The following STT3B variants were observed in gnomAD, a reference collection of about 807,000 sequenced individuals.
The protein encoded by STT3B is dolichyl-diphosphooligosaccharide--protein glycosyltransferase subunit STT3B.
A neutral mutation model predicts 96.8 loss-of-function variants in STT3B; 29 were observed. The ratio of observed to expected loss-of-function variants is 0.30; its 90% CI spans 0.22 to 0.41. STT3B has a LOEUF of 0.41. STT3B is among the 10% of genes least tolerant of loss of function. The probability of loss-of-function intolerance (pLI) is 1.00; values close to 1 mark genes in which losing one functional copy is unlikely to be tolerated. For missense variants in STT3B, 640 were observed against 1,022.3 expected, an observed-to-expected ratio of 0.63 and a Z score of 5.10; for synonymous variants, 367 against 360.0, an observed-to-expected ratio of 1.02 and a Z score of -0.22.
At chr3:31,581,668 G>GTGTC (rs1318473455) in intron 3 of STT3B, among the ~76,000 whole-genome samples, 3 of 152,168 alleles carry the variant, frequency 2.0e-5, no homozygotes, top group Admixed American at 6.5e-5. Context: ...TTTACTTGCA[G>GTGTC]TGTCTGTCTG....
At position 31,617,934 on chromosome 3, in the gene STT3B, T is replaced by C; in HGVS notation, c.1124-6T>C. On this transcript the variant is annotated splice_polypyrimidine_tract_variant and splice_region_variant and intron_variant, in intron 7 of 15. Transcript: ENST00000295770. ...GATTAATTTCATCCATGTTTTTCCT[T>C]CCAAGGTTACATTGCACCATGGAGT... 1 of 1,599,214 alleles carries C rather than the reference T, an allele frequency of 6.3e-7. No homozygotes were observed. Among genetic ancestry groups the C allele is most frequent in the Non-Finnish European group, 8.6e-7 (1 of 1,167,138 alleles).
chr3:31,566,722 C>T (rs1009494772), intron 1 of STT3B, among the ~76,000 whole-genome samples: 1 of 152,172 alleles, frequency 6.6e-6, no homozygotes, highest in African/African-American at 2.4e-5. Context: ...CCCCTTCCTC[C>T]TTCCCTTCTT....
intron 1 of STT3B, among the ~76,000 whole-genome samples, chr3:31,558,533 A>G (rs1697778258): frequency 6.6e-6 from 1 of 152,210 alleles, no homozygotes; most frequent in Non-Finnish European, 1.5e-5. Flanking sequence ...CTTCCCTGGT[A>G]TAAACCCATT....
At chr3:31,625,691 C>G (rs1430751203) in intron 12 of STT3B, among the ~76,000 whole-genome samples, 1 of 152,168 alleles carries the variant, frequency 6.6e-6, no homozygotes. Context: ...CTGCTTTCAT[C>G]ATAAAATGTT....
intron 15 of STT3B, among the ~76,000 whole-genome samples, chr3:31,635,703 C>G (rs1328342412): frequency 6.6e-6 from 1 of 152,178 alleles, no homozygotes; most frequent in Non-Finnish European, 1.5e-5. Context: ...TTAATAATTA[C>G]AGCTCAGCAC....
intron 3 of STT3B, among the ~76,000 whole-genome samples, chr3:31,593,756 GTTTC>G (rs1450225655): frequency 6.6e-6 from 1 of 151,112 alleles, no homozygotes; most frequent in African/African-American, 2.4e-5. Flanking sequence ...ATGTATCTCT[GTTTC>G]TTTATGGAAA....
intron 2 of STT3B, among the ~76,000 whole-genome samples, chr3:31,577,837 C>G (rs1216316981): frequency 2.0e-5 from 3 of 152,214 alleles, no homozygotes; most frequent in Non-Finnish European, 4.4e-5. Context: ...CTAATCTTAT[C>G]ATATACCTAA....
intron 14 of STT3B, among the ~76,000 whole-genome samples, chr3:31,631,947 C>G (rs1179324603): frequency 3.9e-5 from 6 of 152,190 alleles, no homozygotes; most frequent in East Asian, 3.9e-4. Flanking sequence ...TGTTGACCTC[C>G]TGGGCTCAGT....
intron 1 of STT3B, among the ~76,000 whole-genome samples, chr3:31,552,825 C>T (rs576867422): frequency 3.3e-4 from 50 of 152,212 alleles, no homozygotes; most frequent in Non-Finnish European, 2.4e-4. Flanking sequence ...CAAATAAGGC[C>T]GGGCACGGTG....
intron 12 of STT3B, 62 bp from the exon 13 acceptor site, chr3:31,625,892 C>A: frequency 7.1e-7 from 1 of 1,404,284 alleles, no homozygotes; most frequent in Non-Finnish European, 9.6e-7. Flanking sequence ...AAAAAATATA[C>A]ATTGATTTTT....
intron 1 of STT3B, among the ~76,000 whole-genome samples, chr3:31,568,473 C>T (rs1479611651): frequency 6.6e-6 from 1 of 152,140 alleles, no homozygotes; most frequent in African/African-American, 2.4e-5. Flanking sequence ...TACATTTCCA[C>T]CAACAGTATA....
At chr3:31,611,286 G>A (rs887916619) in intron 5 of STT3B, among the ~76,000 whole-genome samples, 1 of 152,044 alleles carries the variant, frequency 6.6e-6, no homozygotes, top group Non-Finnish European at 1.5e-5. Context: ...TAATATTATG[G>A]TTATTTGTTT....
At chr3:31,582,934 T>C (rs1698443573) in intron 3 of STT3B, among the ~76,000 whole-genome samples, 1 of 152,244 alleles carries the variant, frequency 6.6e-6, no homozygotes, top group Non-Finnish European at 1.5e-5. Context: ...TTGAAATTAA[T>C]ATTTGGCTTT....
chr3:31,618,540 A>G (rs1699360839), intron 8 of STT3B, among the ~76,000 whole-genome samples: 1 of 151,822 alleles, frequency 6.6e-6, no homozygotes, highest in African/African-American at 2.4e-5. Flanking sequence ...TTTTTCTCTA[A>G]AATGTTTTCC....
intron 2 of STT3B, among the ~76,000 whole-genome samples, chr3:31,579,197 AT>A (rs1237409504): frequency 1.3e-5 from 2 of 151,986 alleles, no homozygotes; most frequent in Admixed American, 6.6e-5. Context: ...GGTATAAAAA[AT>A]TTAATTTTTC....
chr3:31,604,877 A>G lies in STT3B; in HGVS notation c.877+4418A>G, dbSNP rs368121188. Reference sequence around the variant, plus strand: ...TCCAGAGCCAATCTACCAGGGTTCAATTCTTGCTCCCTTACTACTGTGTAA... The same window carrying G: ...TCCAGAGCCAATCTACCAGGGTTCAGTTCTTGCTCCCTTACTACTGTGTAA... On this transcript the variant is annotated intron_variant, in intron 5 of 15. Transcript: ENST00000295770. Among the ~76,000 whole-genome samples, 6 of 152,314 alleles carry G rather than the reference A, an allele frequency of 3.9e-5. 1 individual carries two copies. The highest frequency in any genetic ancestry group is 2.6e-4 in the Admixed American group (4 of 15,306).
intron 1 of STT3B, among the ~76,000 whole-genome samples, chr3:31,553,964 A>G (rs576224530): frequency 6.6e-6 from 1 of 152,310 alleles, no homozygotes; most frequent in Non-Finnish European, 1.5e-5. Context: ...TTATATCCAT[A>G]TTTTATGGCT....
At chr3:31,623,477 A>G (rs1482149869) in intron 10 of STT3B, among the ~76,000 whole-genome samples, 197 bp from the exon 11 acceptor site, 3 of 152,172 alleles carry the variant, frequency 2.0e-5, no homozygotes, top group African/African-American at 7.2e-5. Flanking sequence ...CTGGATTGGT[A>G]TATTCCCAGG....
chr3:31,545,599 A>T (rs186618608), intron 1 of STT3B, among the ~76,000 whole-genome samples: 1 of 152,314 alleles, frequency 6.6e-6, no homozygotes, highest in Admixed American at 6.5e-5. Context: ...CCAATTTTAC[A>T]TCTGGCTGTG....
Sources: gnomAD v4.1 joint callset for allele counts (sites outside exome capture counted in the v4.1 genomes callset) on GRCh38, gnomAD v4.1.1 for gene constraint, MANE v1.5 for transcripts, NCBI Gene and HGNC (gene_info 2026-07-23, HGNC 2026-07-21) for gene names.